Variants in PCDHA5 observed in about 807,000 individuals in gnomAD.
PCDHA5 encodes the protein protocadherin alpha-5.
A neutral mutation model predicts 61.6 loss-of-function variants in PCDHA5; 43 were observed. The observed-to-expected ratio is 0.70, with a 90% CI of 0.55 to 0.90. The LOEUF is 0.90. Among genes scored for constraint, PCDHA5 ranks in the 40% least tolerant of loss-of-function variants. The pLI, the probability that PCDHA5 is intolerant of heterozygous loss-of-function variation, is 0.00. For synonymous variants in PCDHA5, 627 were observed against 543.9 expected (o/e 1.15, Z -2.13); for missense variants, 1,298 against 1,222.7 (o/e 1.06, Z -0.92).
intron 1 of PCDHA5, among the ~76,000 whole-genome samples, chr5:140,879,278 T>C (rs2057927174): frequency 6.6e-6 from 1 of 152,180 alleles, no homozygotes; most frequent in Non-Finnish European, 1.5e-5. Flanking sequence ...ACAGACTCAA[T>C]ACAAATGATA....
intron 1 of PCDHA5, chr5:140,841,783 A>G (rs1580976899): frequency 6.2e-7 from 1 of 1,613,912 alleles, no homozygotes; most frequent in Non-Finnish European, 8.5e-7. Flanking sequence ...GGTTTCCGCT[A>G]GAGGGCGCGT....
chr5:140,886,698 C>G (rs578140955), intron 1 of PCDHA5, among the ~76,000 whole-genome samples: 3 of 151,820 alleles, frequency 2.0e-5, no homozygotes, highest in Non-Finnish European at 4.4e-5. Flanking sequence ...TGGTGGCACG[C>G]GCCTGTAATC....
chr5:140,830,051 C>G, intron 1 of PCDHA5: 2 of 1,613,728 alleles, frequency 1.2e-6, no homozygotes, highest in East Asian at 4.5e-5. Context: ...GGTGAAAGAC[C>G]ACGGTGAGCC....
At chr5:140,929,410 C>G (rs2086136493) in intron 1 of PCDHA5, 1 of 1,505,808 alleles carries the variant, frequency 6.6e-7, no homozygotes, top group Non-Finnish European at 8.9e-7. Context: ...ACAAGCCTTT[C>G]ACAACATTTC....
At chr5:141,000,414 TATATATA>T (rs1167743190) in intron 3 of PCDHA5, among the ~76,000 whole-genome samples, 31 of 99,528 alleles carry the variant, frequency 3.1e-4, no homozygotes, top group African/African-American at 9.8e-4. Context: ...TATATATATA[TATATATA>T]TTTTTTTTTT....
At chr5:140,869,892 A>G in intron 1 of PCDHA5, 1 of 1,610,608 alleles carries the variant, frequency 6.2e-7, no homozygotes, top group Non-Finnish European at 8.5e-7. Context: ...TTGTGCTCAA[A>G]CTAAACGCCA....
intron 1 of PCDHA5, among the ~76,000 whole-genome samples, chr5:140,887,432 C>G (rs2061445843): frequency 6.6e-6 from 1 of 152,120 alleles, no homozygotes; most frequent in Non-Finnish European, 1.5e-5. Flanking sequence ...AGTATTTTCA[C>G]TGGGCATAGT....
intron 3 of PCDHA5, among the ~76,000 whole-genome samples, chr5:140,982,785 G>A (rs1037904724): frequency 2.0e-5 from 3 of 151,236 alleles, no homozygotes; most frequent in African/African-American, 4.9e-5. Flanking sequence ...GTGTGTGCAC[G>A]CATGTGTGCA....
At chr5:140,949,005 A>G (rs1554218775) in intron 1 of PCDHA5, among the ~76,000 whole-genome samples, 1 of 151,654 alleles carries the variant, frequency 6.6e-6, no homozygotes, top group African/African-American at 2.4e-5. Context: ...ACTAATTTTT[A>G]TATGTGATGT....
chr5:140,876,841 CA>C, intron 1 of PCDHA5: 1 of 1,614,130 alleles, frequency 6.2e-7, no homozygotes, highest in South Asian at 1.1e-5. Flanking sequence ...TGCGTTCGCG[CA>C]GCCCGAGTAC....
At position 140,823,256 on chromosome 5, in the gene PCDHA5, T is replaced by C. The variant is rs1269305597; in HGVS notation, c.1481T>C (p.Val494Ala). 5 of 1,613,056 alleles carry C rather than the reference T, an allele frequency of 3.1e-6. No individual in the cohort carries two copies. The highest frequency in any genetic ancestry group is 1.3e-5 in the African/African-American group (1 of 74,918). The change falls in exon 1 of 4, where the codon GTG (valine) becomes GCG (alanine). Residue 494 changes from valine to alanine, a missense_variant. Val to Ala is a moderately conservative substitution (Grantham distance 64). Coordinates refer to ENST00000529859, the MANE Select transcript of PCDHA5 (RefSeq NM_018908.3). ...AACGCCCTGGTGTCCTACTCGCTGG[T>C]GGAGCGGCGGGTGGGCGAGCGCCCG... ...QENALVSYSL[V>A]ERRVGERPLS...
intron 1 of PCDHA5, chr5:140,871,033 C>T (rs201299652): frequency 1.2e-6 from 2 of 1,613,234 alleles, no homozygotes; most frequent in East Asian, 2.2e-5. Context: ...CTCGCCGCGC[C>T]ACCGACTTCT....
intron 3 of PCDHA5, 29 bp from the exon 4 acceptor site, chr5:141,009,598 T>C: frequency 6.2e-7 from 1 of 1,606,306 alleles, no homozygotes; most frequent in Non-Finnish European, 8.5e-7. Flanking sequence ...GTTGACCCTG[T>C]TAATGATTTG....
At chr5:140,924,903 AAAT>A (rs782701584) in intron 1 of PCDHA5, among the ~76,000 whole-genome samples, 3,132 of 54,516 alleles carry the variant, frequency 0.057, 46 homozygotes, top group African/African-American at 0.096. Context: ...TCAAAAAAAA[AAAT>A]AAAATAAAAT....
chr5:140,862,807 C>T (rs782675641), intron 1 of PCDHA5: 1 of 572,850 alleles, frequency 1.7e-6, no homozygotes, highest in East Asian at 4.7e-5. Context: ...GGAGCTGCTG[C>T]AGTTCTAGGT....
chr5:140,839,527 C>T (rs1390318368), intron 1 of PCDHA5, among the ~76,000 whole-genome samples: 1 of 151,932 alleles, frequency 6.6e-6, no homozygotes. Context: ...GTTGCTGGGA[C>T]TATAGGCACA....
At chr5:140,980,584 C>A (rs1447001293) in intron 2 of PCDHA5, among the ~76,000 whole-genome samples, 1 of 151,934 alleles carries the variant, frequency 6.6e-6, no homozygotes, top group Non-Finnish European at 1.5e-5. Context: ...GAGCCAAGAT[C>A]GAGCCACTGC....
At chr5:140,927,183 C>T (rs1554204140) in intron 1 of PCDHA5, 12 of 1,614,160 alleles carry the variant, frequency 7.4e-6, no homozygotes, top group Non-Finnish European at 1.0e-5. Context: ...TCTTGACCTA[C>T]GACCTGGTGC....
At chr5:140,829,950 T>A in intron 1 of PCDHA5, 1 of 1,613,960 alleles carries the variant, frequency 6.2e-7, no homozygotes, top group Non-Finnish European at 8.5e-7. Context: ...AGCGCTCGCT[T>A]CCCGTTTCGC....
Sources: allele counts gnomAD v4.1 joint callset (sites outside exome capture counted in the v4.1 genomes callset), GRCh38; gene constraint gnomAD v4.1.1; transcripts MANE v1.5; gene names NCBI Gene and HGNC (gene_info 2026-07-23, HGNC 2026-07-21).